Variants in GAREM1 observed in about 807,000 individuals in gnomAD.
The protein encoded by GAREM1 is GRB2-associated and regulator of MAPK protein 1.
A neutral mutation model predicts 71.3 loss-of-function variants in GAREM1; 26 were observed. That is an observed-to-expected ratio of 0.36 (90% CI 0.27 to 0.51). The LOEUF (loss-of-function observed/expected upper bound fraction) is 0.51, where lower values mean the gene tolerates loss of function less well. GAREM1 is among the 20% of genes least tolerant of loss of function. The pLI is 0.95. For synonymous variants in GAREM1, 440 were observed against 433.2 expected, an observed-to-expected ratio of 1.02 and a Z score of -0.20; for missense variants, 1,026 against 1,103.1, an observed-to-expected ratio of 0.93 and a Z score of 0.99.
At chr18:32,415,343 C>A (rs112269952) in intron 1 of GAREM1, among the ~76,000 whole-genome samples, 34 of 152,072 alleles carry the variant, frequency 2.2e-4, no homozygotes, top group African/African-American at 7.5e-4. Flanking sequence ...GGGAATACTT[C>A]CAAACTCATT....
At chr18:32,387,740 C>T (rs182681182) in intron 2 of GAREM1, among the ~76,000 whole-genome samples, 1 of 152,140 alleles carries the variant, frequency 6.6e-6, no homozygotes, top group South Asian at 2.1e-4. Context: ...TAAGGAGATT[C>T]TTGTCACCAC....
chr18:32,310,414 CT>C (rs1052322524), intron 2 of GAREM1, 91 bp from the exon 3 acceptor site: 23 of 1,322,338 alleles, frequency 1.7e-5, no homozygotes, highest in Admixed American at 7.2e-5. Context: ...TACCCCAGCC[CT>C]TTTTTTGTCA....
At chr18:32,442,698 T>G (rs1245780748) in intron 1 of GAREM1, among the ~76,000 whole-genome samples, 1 of 152,184 alleles carries the variant, frequency 6.6e-6, no homozygotes, top group East Asian at 1.9e-4. Flanking sequence ...CCTGCATGTC[T>G]TAAGCTTTTG....
chr18:32,356,968 T>C (rs2047812656), intron 2 of GAREM1, among the ~76,000 whole-genome samples: 1 of 152,200 alleles, frequency 6.6e-6, no homozygotes, highest in Non-Finnish European at 1.5e-5. Context: ...ATGGAGGTTT[T>C]GGTCCTAGCT....
chr18:32,275,695 T>G (rs1489414185), intron 4 of GAREM1, among the ~76,000 whole-genome samples: 4 of 152,194 alleles, frequency 2.6e-5, no homozygotes, highest in Non-Finnish European at 5.9e-5. Context: ...TCTTTTTTTT[T>G]GAGACTGAGT....
At position 32,470,221 on chromosome 18, in the gene GAREM1, G is replaced by A. The variant is rs930670448; in HGVS notation, c.121+87C>T. The A allele has an allele frequency of 1.5e-6, 2 of 1,303,550 alleles. No homozygotes were observed. Among genetic ancestry groups the A allele is most frequent in the Non-Finnish European group, 2.0e-6 (2 of 1,019,154 alleles). The allele number at this position is 1,303,550 out of a possible 1,614,324, so 80.7% of individuals were successfully genotyped here. On this transcript the variant is annotated intron_variant, in intron 1 of 5. Transcript: ENST00000269209. This position sits in a 1 kb window ranked among gnomAD's most constrained non-coding sequence, Gnocchi z 4.4. ...AGGGGCGGGCAGCCCACTCCCCGCG[G>A]GTCCCACCCTCTCCAGCACACGCGC... is the stretch of plus-strand genomic sequence containing the variant.
At chr18:32,336,388 C>T (rs2047595308) in intron 2 of GAREM1, among the ~76,000 whole-genome samples, 1 of 150,356 alleles carries the variant, frequency 6.7e-6, no homozygotes, top group South Asian at 2.1e-4. Flanking sequence ...GAAGATCGCG[C>T]CACTGCACTC....
At chr18:32,456,035 T>C (rs924886814) in intron 1 of GAREM1, among the ~76,000 whole-genome samples, 2 of 152,094 alleles carry the variant, frequency 1.3e-5, no homozygotes, top group African/African-American at 4.8e-5. Flanking sequence ...AAAAAAGAAT[T>C]AACCTTCCTA....
At chr18:32,419,879 A>C (rs1162943779) in intron 1 of GAREM1, among the ~76,000 whole-genome samples, 1 of 152,218 alleles carries the variant, frequency 6.6e-6, no homozygotes, top group Non-Finnish European at 1.5e-5. Flanking sequence ...CCTTTCAAAA[A>C]GACTTTATGG....
At position 32,270,354 on chromosome 18, in the gene GAREM1, G is replaced by A. The variant is rs1257703686; in HGVS notation, c.1596C>T (p.Ala532=). ...AVREECRLLN[A]PPVPPRSAKP... is the part of the protein sequence containing the mutation. The stretch of plus-strand genomic sequence containing the variant: ...TTGCGCTTCGGGGTGGAACAGGTGG[G>A]GCGTTCAGGAGCCGGCATTCTTCTC... The change falls in exon 5 of 6, where the codon GCC becomes GCT. Residue 532 remains alanine, a synonymous_variant. Transcript: ENST00000269209. 15 of 1,613,532 alleles carry A rather than the reference G, an allele frequency of 9.3e-6. No homozygotes were observed. The highest frequency in any genetic ancestry group is 2.2e-5 in the South Asian group (2 of 90,988).
chr18:32,342,586 C>T (rs1213479453), intron 2 of GAREM1, among the ~76,000 whole-genome samples: 1 of 152,218 alleles, frequency 6.6e-6, no homozygotes. Flanking sequence ...CACCTCAGCT[C>T]ACAGTGGACT....
At chr18:32,383,729 A>G (rs936782864) in intron 2 of GAREM1, among the ~76,000 whole-genome samples, 14 of 152,202 alleles carry the variant, frequency 9.2e-5, no homozygotes, top group African/African-American at 3.4e-4. Flanking sequence ...CCAACTTTCC[A>G]CTGAGTACCT....
chr18:32,269,697 T>TGGA (rs1047815806), intron 5 of GAREM1, among the ~76,000 whole-genome samples: 1 of 152,030 alleles, frequency 6.6e-6, no homozygotes, highest in African/African-American at 2.4e-5. Flanking sequence ...TTGCCAACAA[T>TGGA]GGAATGAGCT....
chr18:32,378,864 G>A (rs949875531), intron 2 of GAREM1, among the ~76,000 whole-genome samples: 23 of 152,142 alleles, frequency 1.5e-4, no homozygotes, highest in Non-Finnish European at 5.9e-5. Flanking sequence ...TGCTAGTCAC[G>A]AAAGGCCATT....
chr18:32,396,103 G>A (rs139500818), intron 1 of GAREM1, among the ~76,000 whole-genome samples: 271 of 152,288 alleles, frequency 1.8e-3, no homozygotes, highest in African/African-American at 5.0e-3. Context: ...GCTGAGGGTC[G>A]TGACTGTTAG....
chr18:32,443,052 T>C (rs1010192115), intron 1 of GAREM1, among the ~76,000 whole-genome samples: 4 of 152,148 alleles, frequency 2.6e-5, no homozygotes, highest in African/African-American at 4.8e-5. Context: ...TGTAATTTCA[T>C]GTGGATTCAA....
At chr18:32,295,435 T>A (rs193119155) in intron 3 of GAREM1, among the ~76,000 whole-genome samples, 3 of 152,284 alleles carry the variant, frequency 2.0e-5, no homozygotes, top group African/African-American at 7.2e-5. Context: ...ATTATCTATA[T>A]TTTATCAGGT....
intron 1 of GAREM1, among the ~76,000 whole-genome samples, chr18:32,403,172 C>T (rs1050772612): frequency 6.6e-5 from 10 of 151,990 alleles, no homozygotes; most frequent in Admixed American, 3.9e-4. Flanking sequence ...CCTCCCAAAG[C>T]GCTGGGATTA....
chr18:32,309,570 C>T (rs572177168), intron 3 of GAREM1, among the ~76,000 whole-genome samples: 54 of 138,836 alleles, frequency 3.9e-4, no homozygotes, highest in African/African-American at 8.9e-4. Context: ...GAGCCGAGAT[C>T]GCGCCACTGT....
Sources: allele counts gnomAD v4.1 joint callset (sites outside exome capture counted in the v4.1 genomes callset), GRCh38; gene constraint gnomAD v4.1.1; non-coding constraint Gnocchi (gnomAD v3.1); transcripts MANE v1.5; gene names NCBI Gene and HGNC (gene_info 2026-07-23, HGNC 2026-07-21).